Variants in LUM observed in about 807,000 individuals in gnomAD.
LUM encodes the protein KSPG lumican.
In LUM, 13 loss-of-function variants were observed where a neutral mutation model predicts 20.5. That is an observed-to-expected ratio of 0.63 (90% CI 0.41 to 1.01). The LOEUF (loss-of-function observed/expected upper bound fraction) is 1.01. LUM is among the 50% of genes least tolerant of loss of function. The probability of loss-of-function intolerance (pLI) is 0.00; values close to 1 mark genes in which losing one functional copy is unlikely to be tolerated. For missense variants in LUM, 321 were observed against 391.1 expected, an observed-to-expected ratio of 0.82 and a Z score of 1.51; for synonymous variants, 173 against 151.5, an observed-to-expected ratio of 1.14 and a Z score of -1.04.
At position 91,103,215 on chromosome 12, in the gene LUM, T is replaced by C. The variant is rs1879947331; in HGVS notation, c.*950A>G. 6.6e-6 allele frequency: 1 copy of C among 152,094 alleles called. No individual in the cohort carries two copies. Among genetic ancestry groups the C allele is most frequent in the African/African-American group, 2.4e-5 (1 of 41,446 alleles). The allele number at this position is 152,094 out of a possible 1,614,324, so 9.4% of individuals were successfully genotyped here. On this transcript the variant is annotated 3_prime_UTR_variant, in exon 3 of 3. Transcript: ENST00000266718. ...CATTCATTTTTAATCCTGTGAGTTA[T>C]CCACCATTTCTTGACAACCAAGGAG...
Position 91,104,201 on chromosome 12 carries a change from T to C in LUM, c.981A>G (p.Glu327=). The stretch of plus-strand genomic sequence containing the variant: ...TGACTTCGTTAGCAACACGTAGACA[T>C]TCATACATATCCGGTGGAAGACTGG... The part of the protein sequence containing the change: ...SETSLPPDMY[E]CLRVANEVTL... Residue 327 remains glutamate, a synonymous_variant, in exon 3 of 3, where the codon GAA becomes GAG. Transcript: ENST00000266718. 1 of 1,612,894 alleles carries C rather than the reference T, an allele frequency of 6.2e-7. No homozygotes were observed. Among genetic ancestry groups the C allele is most frequent in the Non-Finnish European group, 8.5e-7 (1 of 1,179,094 alleles).
Position 91,108,129 on chromosome 12 carries a change from T to C in LUM, c.851A>G (p.Asn284Ser). The change falls in exon 2 of 3, where the codon AAT becomes AGT. Residue 284 changes from asparagine to serine, a missense_variant. Transcript: ENST00000266718. This position sits in a 1 kb window ranked among gnomAD's most constrained non-coding sequence, Gnocchi z 4.2. ...AGCTTTTTACTTACTCTCAAGTTGA[T>C]TGACCTCCAGGTAATAGTTTTCAAG... ...ENLENYYLEV[N>S]QLEKFDIKSF... The C allele has an allele frequency of 1.2e-6, 2 of 1,614,096 alleles. No homozygotes were observed. Among genetic ancestry groups the C allele is most frequent in the Non-Finnish European group, 8.5e-7 (1 of 1,179,976 alleles).
intron 2 of LUM, among the ~76,000 whole-genome samples, chr12:91,107,291 A>G (rs12299805): frequency 1.2e-3 from 125 of 103,362 alleles, no homozygotes; most frequent in Middle Eastern, 9.3e-3. Context: ...AAGAAAGAGA[A>G]AGAAAGAAAG....
rs144878773 is a variant in LUM at position 91,108,945 on chromosome 12, A to G, written c.35T>C (p.Leu12Ser). The change falls in exon 2 of 3, where the codon TTG becomes TCG. Residue 12 changes from leucine to serine, a missense_variant. Physicochemically the swap from Leu to Ser is moderately radical, Grantham distance 145. Coordinates refer to ENST00000266718, the MANE Select transcript of LUM (RefSeq NM_002345.4). This position sits in a 1 kb window ranked among gnomAD's most constrained non-coding sequence, Gnocchi z 4.2. ...GTACTGGCCACTGGTACCACCAATC[A>G]ATGCCAGGAAGAGAGTAAATGCACT... Reference protein sequence around the residue: ...SLSAFTLFLALIGGTSGQYYD... With the variant: ...SLSAFTLFLASIGGTSGQYYD... 6.8e-5 allele frequency: 110 copies of G among 1,613,686 alleles called. No homozygotes were observed. The African/African-American group carries it at 1.3e-3, about 19-fold the overall frequency.
chr12:91,110,528 G>A (rs547533096), intron 1 of LUM, among the ~76,000 whole-genome samples: 5 of 152,142 alleles, frequency 3.3e-5, no homozygotes, highest in Non-Finnish European at 5.9e-5. Flanking sequence ...TAAAAAGAAC[G>A]TGATGACATA....
At chr12:91,107,329 G>T (rs948677074) in intron 2 of LUM, among the ~76,000 whole-genome samples, 5 of 124,704 alleles carry the variant, frequency 4.0e-5, no homozygotes, top group Non-Finnish European at 8.4e-5. Context: ...AAGAAAGAAA[G>T]AAAGAAAGAA....
chr12:91,103,978 ATG>A lies in LUM; in HGVS notation c.*185_*186del. The A allele has an allele frequency of 1.9e-6, 1 of 529,296 alleles. No individual in the cohort carries two copies. 32.8% of individuals were successfully genotyped at this position (529,296 alleles called of 1,614,324 possible). A position where few individuals can be genotyped will look rare whatever the true frequency, so the allele number is the denominator to read the frequency against. On this transcript the variant is annotated 3_prime_UTR_variant, in exon 3 of 3. Coordinates refer to ENST00000266718, the MANE Select transcript of LUM (RefSeq NM_002345.4). ...TTGAGTTTGATGTCTATTCGTGTAT[ATG>A]TGTGTGTTCTTGTGATGAAATAGGC...
intron 2 of LUM, among the ~76,000 whole-genome samples, chr12:91,106,711 A>AAAAAAAAAAC (rs398020575): frequency 4.8e-5 from 7 of 147,138 alleles, no homozygotes; most frequent in South Asian, 4.5e-4. Flanking sequence ...AAAAAAAAAA[A>AAAAAAAAAAC]GATGTTAGAA....
chr12:91,110,144 T>G (rs186530810), intron 1 of LUM, among the ~76,000 whole-genome samples: 26 of 152,284 alleles, frequency 1.7e-4, no homozygotes, highest in African/African-American at 5.5e-4. Context: ...AGTGAACAGT[T>G]GTGGCTGAGG....
At chr12:91,109,644 G>A (rs10735285) in intron 1 of LUM, among the ~76,000 whole-genome samples, 146,606 of 152,292 alleles carry the variant, frequency 0.96, 70,597 homozygotes, top group East Asian at 1. Context: ...CTGTGTTCTG[G>A]AACTAATATT....
Position 91,111,381 on chromosome 12 carries a change from G to A in LUM, c.-22+17C>T, listed in dbSNP as rs555871971. On this transcript the variant is annotated intron_variant, in intron 1 of 2. Coordinates refer to ENST00000266718, the MANE Select transcript of LUM (RefSeq NM_002345.4). ...AACAGTTAACATCCCCAGTGCAATA[G>A]TTAAAACAGCACTTACCTTACTGTC... 3.3e-5 allele frequency: 5 copies of A among 152,340 alleles called. No individual in the cohort carries two copies. The South Asian group carries it at 1.0e-3, about 32-fold the overall frequency. The allele number at this position is 152,340 out of a possible 1,614,324, so 9.4% of individuals were successfully genotyped here.
chr12:91,104,678 G>T (rs940154712), intron 2 of LUM, among the ~76,000 whole-genome samples: 6 of 152,068 alleles, frequency 3.9e-5, no homozygotes. Flanking sequence ...GGATCCCATT[G>T]TTGTATGAAC....
intron 2 of LUM, among the ~76,000 whole-genome samples, chr12:91,105,760 C>T (rs76838890): frequency 0.011 from 1,657 of 152,276 alleles, 36 homozygotes; most frequent in East Asian, 0.088. Context: ...AGGCCGTTGG[C>T]CTTTCTCCCA....
intron 2 of LUM, among the ~76,000 whole-genome samples, chr12:91,107,149 A>G (rs1173228947): frequency 6.7e-6 from 1 of 149,800 alleles, no homozygotes; most frequent in African/African-American, 2.5e-5. Flanking sequence ...CTGTCAAAAA[A>G]AAAAAGAAAG....
At position 91,108,435 on chromosome 12, in the gene LUM, C is replaced by T; in HGVS notation, c.545G>A (p.Gly182Asp). ...KEDAVSAAFK[G>D]LKSLEYLDLS... ...GTCAAGGTATTCGAGTGATTTAAGA[C>T]CTTTAAAAGCAGCTGAAACAGCATC... The change falls in exon 2 of 3, where the codon GGT becomes GAT. Residue 182 changes from glycine to aspartate, a missense_variant. Gly to Asp is a moderately conservative substitution (Grantham distance 94). Transcript: ENST00000266718. This position sits in a 1 kb window ranked among gnomAD's most constrained non-coding sequence, Gnocchi z 4.2. The T allele has an allele frequency of 6.2e-7, 1 of 1,614,114 alleles. No individual in the cohort carries two copies. Among genetic ancestry groups the T allele is most frequent in the Non-Finnish European group, 8.5e-7 (1 of 1,180,002 alleles).
chr12:91,106,025 T>C (rs1880023282), intron 2 of LUM, among the ~76,000 whole-genome samples: 1 of 152,232 alleles, frequency 6.6e-6, no homozygotes, highest in South Asian at 2.1e-4. Context: ...AATTTTCCAC[T>C]GGAAACAACA....
Position 91,108,770 on chromosome 12 carries a change from A to G in LUM, c.210T>C (p.Tyr70=). The part of the protein sequence containing the change: ...SVPMVPPGIK[Y]LYLRNNQIDH... ...CAATCTGGTTATTCCTAAGGTAAAG[A>G]TACTTGATTCCAGGAGGCACCATTG... Residue 70 remains tyrosine (Y), a synonymous_variant, in exon 2 of 3, where the codon TAT becomes TAC. Transcript: ENST00000266718. The surrounding 1 kb of genome is among the most constrained non-coding windows in gnomAD (Gnocchi z 4.2). 1.2e-6 allele frequency: 2 copies of G among 1,614,114 alleles called. No homozygotes were observed. Among genetic ancestry groups the G allele is most frequent in the Non-Finnish European group, 1.7e-6 (2 of 1,179,984 alleles).
chr12:91,105,294 A>G (rs987643037), intron 2 of LUM, among the ~76,000 whole-genome samples: 6 of 152,206 alleles, frequency 3.9e-5, no homozygotes, highest in African/African-American at 1.4e-4. Context: ...ATCTTGTTAG[A>G]AATAACACAT....
At chr12:91,107,113 T>A (rs1453828113) in intron 2 of LUM, among the ~76,000 whole-genome samples, 46 of 139,164 alleles carry the variant, frequency 3.3e-4, no homozygotes, top group African/African-American at 1.3e-3. Context: ...ACCACCTCAC[T>A]CCAGTCTGGG....
Sources: gnomAD v4.1 joint callset for allele counts (sites outside exome capture counted in the v4.1 genomes callset) on GRCh38, gnomAD v4.1.1 for gene constraint, Gnocchi (gnomAD v3.1) non-coding constraint, MANE v1.5 for transcripts, NCBI Gene and HGNC (gene_info 2026-07-23, HGNC 2026-07-21) for gene names.